TEX22: variants seen among roughly 807,000 people sequenced by gnomAD.
TEX22 encodes the protein testis-expressed protein 22.
In TEX22, 16 loss-of-function variants were observed where a neutral mutation model predicts 11.3. The ratio of observed to expected loss-of-function variants is 1.42; its 90% CI spans 0.96 to 2.15. The LOEUF is 2.15. Ranked by LOEUF, TEX22 falls within the 30% of genes most tolerant of loss-of-function variation. The pLI, the probability that TEX22 is intolerant of heterozygous loss-of-function variation, is 0.00. For missense variants in TEX22, 220 were observed against 208.6 expected, an observed-to-expected ratio of 1.05 and a Z score of -0.34; for synonymous variants, 97 against 92.3, an observed-to-expected ratio of 1.05 and a Z score of -0.29.
chr14:105,411,647 C>A lies in TEX22; in HGVS notation c.280-13C>A, dbSNP rs2081693070. The A allele has an allele frequency of 6.6e-7, 1 of 1,525,638 alleles. No individual in the cohort carries two copies. The highest frequency in any genetic ancestry group is 8.8e-7 in the Non-Finnish European group (1 of 1,142,072). 94.5% of individuals were successfully genotyped at this position (1,525,638 alleles called of 1,614,324 possible). A position where few individuals can be genotyped will look rare whatever the true frequency, so the allele number is the denominator to read the frequency against. On this transcript the variant is annotated splice_polypyrimidine_tract_variant and intron_variant, in intron 3 of 3. Transcript: ENST00000451127. ...CCCGCCCCTCGAGGCTCCCTGACCACCCTCGCCCGCAGGACGTCGTGCAGA... is the reference window on the plus strand; with the variant it reads ...CCCGCCCCTCGAGGCTCCCTGACCAACCTCGCCCGCAGGACGTCGTGCAGA...
intron 2 of TEX22, among the ~76,000 whole-genome samples, chr14:105,403,747 G>C (rs1480441110): frequency 6.6e-6 from 1 of 152,134 alleles, no homozygotes; most frequent in Non-Finnish European, 1.5e-5. Context: ...AACATGCCAA[G>C]CTTCCCAAAA....
At chr14:105,402,740 A>T (rs766514373) in intron 2 of TEX22, among the ~76,000 whole-genome samples, 15 of 146,984 alleles carry the variant, frequency 1.0e-4, no homozygotes, top group Non-Finnish European at 2.1e-4. Context: ...TGGGCGACAG[A>T]GCGAGACTCC....
intron 2 of TEX22, among the ~76,000 whole-genome samples, chr14:105,401,208 A>G (rs193272826): frequency 2.6e-5 from 4 of 152,338 alleles, no homozygotes; most frequent in Admixed American, 6.5e-5. Context: ...TAGGTGCTCA[A>G]TGAATGTATA....
chr14:105,402,558 T>G (rs781545522), intron 2 of TEX22, among the ~76,000 whole-genome samples: 9 of 151,820 alleles, frequency 5.9e-5, no homozygotes, highest in South Asian at 2.1e-4. Flanking sequence ...ATCAAGACCA[T>G]CCTGGCTAAC....
intron 2 of TEX22, among the ~76,000 whole-genome samples, chr14:105,401,666 G>A (rs2081627492): frequency 6.6e-6 from 1 of 151,902 alleles, no homozygotes; most frequent in Non-Finnish European, 1.5e-5. Context: ...ACACCAACAT[G>A]GCACATGGAT....
rs181721194 is a variant in TEX22 at position 105,402,564 on chromosome 14, C to T, written c.150+3074C>T. Among the ~76,000 whole-genome samples the T allele has an allele frequency of 1.3e-4, 19 of 151,800 alleles. 1 individual carries two copies. Among genetic ancestry groups the T allele is most frequent in the South Asian group, 6.2e-4 (3 of 4,826 alleles). ...GGTCTGGAGATCAAGACCATCCTGG[C>T]TAACACGGTGAAACCCCGTCTCTAC... is the stretch of plus-strand genomic sequence containing the variant. On this transcript the variant is annotated intron_variant, in intron 2 of 3. Transcript: ENST00000451127.
chr14:105,404,127 A>G (rs2081646759), intron 2 of TEX22, among the ~76,000 whole-genome samples: 1 of 152,230 alleles, frequency 6.6e-6, no homozygotes, highest in Non-Finnish European at 1.5e-5. Flanking sequence ...TTGAGATAGC[A>G]GTCAACACTT....
chr14:105,406,524 C>T (rs2081659088), intron 2 of TEX22, among the ~76,000 whole-genome samples: 1 of 152,086 alleles, frequency 6.6e-6, no homozygotes, highest in Admixed American at 6.6e-5. Context: ...CCAGTCTGGA[C>T]AGCATAGTGA....
intron 2 of TEX22, among the ~76,000 whole-genome samples, chr14:105,402,834 G>T (rs2081639952): frequency 6.6e-6 from 1 of 151,904 alleles, no homozygotes; most frequent in East Asian, 1.9e-4. Flanking sequence ...TGAATAGCAT[G>T]TAGAGCTCCT....
Position 105,402,628 on chromosome 14 carries a change from C to T in TEX22, c.150+3138C>T, listed in dbSNP as rs587703816. Among the ~76,000 whole-genome samples the T allele has an allele frequency of 3.4e-4, 51 of 151,670 alleles. 1 individual carries two copies. The South Asian group carries it at 4.0e-3, about 12-fold the overall frequency. Reference sequence around the variant, plus strand: ...AAAATTAGCCGGGCGTGGTGGCGGGCGCCTGTAGTCCCAGCTACTCGGGAG... The same window carrying T: ...AAAATTAGCCGGGCGTGGTGGCGGGTGCCTGTAGTCCCAGCTACTCGGGAG... On this transcript the variant is annotated intron_variant, in intron 2 of 3. Transcript: ENST00000451127.
At chr14:105,411,347 A>G (rs1555419309) in intron 2 of TEX22, 21 bp from the exon 3 acceptor site, 1 of 1,283,012 alleles carries the variant, frequency 7.8e-7, no homozygotes, top group Non-Finnish European at 9.8e-7. Flanking sequence ...GCCCTCGCCG[A>G]CCCGCTGCCC....
At chr14:105,408,612 CAG>C (rs1380011699) in intron 2 of TEX22, among the ~76,000 whole-genome samples, 4 of 152,128 alleles carry the variant, frequency 2.6e-5, no homozygotes, top group Non-Finnish European at 5.9e-5. Flanking sequence ...TTAGTAGAAA[CAG>C]GGTTTCGCCA....
At chr14:105,411,273 CG>C in intron 2 of TEX22, 94 bp from the exon 3 acceptor site, 4 of 1,195,706 alleles carry the variant, frequency 3.3e-6, no homozygotes, top group South Asian at 2.9e-5. Flanking sequence ...AGAAAGCGCC[CG>C]GGGGCGAGCT....
chr14:105,411,273 C>T, intron 2 of TEX22, 95 bp from the exon 3 acceptor site: 1 of 1,195,728 alleles, frequency 8.4e-7, no homozygotes, highest in Non-Finnish European at 1.0e-6. Context: ...AGAAAGCGCC[C>T]GGGGGCGAGC....
chr14:105,410,748 G>C (rs1002770234), intron 2 of TEX22, among the ~76,000 whole-genome samples: 5 of 152,136 alleles, frequency 3.3e-5, no homozygotes, highest in Non-Finnish European at 5.9e-5. Context: ...TGGAGGAACC[G>C]TCTCCTGCAG....
Position 105,411,350 on chromosome 14 carries a change from C to G in TEX22, c.151-18C>G. 7.6e-7 allele frequency: 1 copy of G among 1,315,448 alleles called. No individual in the cohort carries two copies. Among genetic ancestry groups the G allele is most frequent in the Non-Finnish European group, 9.7e-7 (1 of 1,031,384 alleles). The allele number at this position is 1,315,448 out of a possible 1,614,324, so 81.5% of individuals were successfully genotyped here. A position where few individuals can be genotyped will look rare whatever the true frequency, so the allele number is the denominator to read the frequency against. On this transcript the variant is annotated intron_variant, in intron 2 of 3. Coordinates refer to ENST00000451127, the MANE Select transcript of TEX22 (RefSeq NM_001195082.2). ...GCTGGCGCCGAGGCCCTCGCCGACC[C>G]GCTGCCCTGTCCCCCAGGTGTGCGA...
At chr14:105,399,604 G>A (rs2081613157) in intron 2 of TEX22, 114 bp downstream of exon 2, 1 of 1,211,444 alleles carries the variant, frequency 8.3e-7, no homozygotes, top group African/African-American at 1.5e-5. Context: ...GGAGGGCTGA[G>A]TGGGGACTGA....
At position 105,411,364 on chromosome 14, in the gene TEX22, C is replaced by G. The variant is rs1555419313; in HGVS notation, c.151-4C>G. 1.5e-6 allele frequency: 2 copies of G among 1,331,840 alleles called. No homozygotes were observed. Among genetic ancestry groups the G allele is most frequent in the East Asian group, 3.2e-5 (1 of 31,124 alleles). The allele number at this position is 1,331,840 out of a possible 1,614,324, so 82.5% of individuals were successfully genotyped here. A position where few individuals can be genotyped will look rare whatever the true frequency, so the allele number is the denominator to read the frequency against. Reference sequence around the variant, plus strand: ...CCTCGCCGACCCGCTGCCCTGTCCCCCAGGTGTGCGAGCCGCCGGAACGCA... The same window carrying G: ...CCTCGCCGACCCGCTGCCCTGTCCCGCAGGTGTGCGAGCCGCCGGAACGCA... On this transcript the variant is annotated splice_region_variant and splice_polypyrimidine_tract_variant and intron_variant, in intron 2 of 3. Coordinates refer to ENST00000451127, the MANE Select transcript of TEX22 (RefSeq NM_001195082.2).
At chr14:105,401,393 G>A (rs1555418325) in intron 2 of TEX22, among the ~76,000 whole-genome samples, 1 of 152,042 alleles carries the variant, frequency 6.6e-6, no homozygotes, top group Non-Finnish European at 1.5e-5. Context: ...AACAAAAGAA[G>A]TCGCAGCCAT....
Sources: allele counts gnomAD v4.1 joint callset (sites outside exome capture counted in the v4.1 genomes callset), GRCh38; gene constraint gnomAD v4.1.1; transcripts MANE v1.5; gene names NCBI Gene and HGNC (gene_info 2026-07-23, HGNC 2026-07-21).